ZPBP: variants seen among roughly 807,000 people sequenced by gnomAD.
The protein encoded by ZPBP is zona pellucida-binding protein 1.
ZPBP carries 26 observed loss-of-function variants against 44.8 expected under a neutral mutation model. The observed-to-expected ratio is 0.58, with a 90% CI of 0.43 to 0.81. The LOEUF (loss-of-function observed/expected upper bound fraction) is 0.81. ZPBP is among the 30% of genes least tolerant of loss of function. The pLI is 0.00. For missense variants in ZPBP, 409 were observed against 434.0 expected (o/e 0.94, Z 0.51); for synonymous variants, 174 against 153.2 (o/e 1.14, Z -1.00).
intron 7 of ZPBP, among the ~76,000 whole-genome samples, chr7:49,955,747 TAAAAAC>T (rs986199967): frequency 6.6e-6 from 1 of 151,990 alleles, no homozygotes; most frequent in African/African-American, 2.4e-5. Context: ...TGGTAAAACT[TAAAAAC>T]AAAAAACATA....
At chr7:49,853,654 T>C (rs1790289701) in intron 2 of ZPBP, among the ~76,000 whole-genome samples, 1 of 151,962 alleles carries the variant, frequency 6.6e-6, no homozygotes, top group Admixed American at 6.5e-5. Context: ...TGAACGTTTG[T>C]TTTTCTTCTT....
intron 2 of ZPBP, among the ~76,000 whole-genome samples, chr7:49,859,589 T>C (rs1443419994): frequency 6.6e-6 from 1 of 152,244 alleles, no homozygotes; most frequent in Admixed American, 6.5e-5. Flanking sequence ...TATGTGTGCA[T>C]TGACGTCTGG....
chr7:50,004,198 GAAAGTGGGAT>G, intron 6 of ZPBP, among the ~76,000 whole-genome samples: 1 of 152,258 alleles, frequency 6.6e-6, no homozygotes, highest in East Asian at 1.9e-4. Context: ...GCAGGTGGAA[GAAAGTGGGAT>G]AAGTTTGCTT....
intron 4 of ZPBP, among the ~76,000 whole-genome samples, chr7:50,051,357 T>C (rs187071324): frequency 1.1e-3 from 171 of 152,258 alleles, no homozygotes; most frequent in Middle Eastern, 3.4e-3. Flanking sequence ...AGTTCAACCA[T>C]TGTGGAAGAT....
At chr7:50,007,520 C>T (rs533657771) in intron 6 of ZPBP, among the ~76,000 whole-genome samples, 1 of 152,064 alleles carries the variant, frequency 6.6e-6, no homozygotes, top group African/African-American at 2.4e-5. Context: ...AGACAGAAGC[C>T]TCTAGACTCA....
Position 49,937,520 on chromosome 7 carries a change from A to T in ZPBP, c.*8T>A, listed in dbSNP as rs766544193. ...TTAATAAACCACTGAATAACTGAAG[A>T]TAATGGCTTATAAGCACGTTTTTGC... On this transcript the variant is annotated 3_prime_UTR_variant, in exon 8 of 8. Coordinates refer to ENST00000046087, the MANE Select transcript of ZPBP (RefSeq NM_007009.3). 9 of 1,602,822 alleles carry T rather than the reference A, an allele frequency of 5.6e-6. No homozygotes were observed. In the East Asian group the frequency reaches 1.8e-4, roughly 32 times the overall value.
chr7:49,974,878 G>A (rs1044585034), intron 7 of ZPBP, among the ~76,000 whole-genome samples: 1 of 146 alleles, frequency 6.8e-3, no homozygotes, highest in Non-Finnish European at 0.018. Flanking sequence ...CAGGTCCCTA[G>A]AGAAATGCCC....
In ZPBP at chr7:50,060,176, T is replaced by C. The variant is rs529458185; in HGVS notation, c.335-2035A>G. On this transcript the variant is annotated intron_variant, in intron 3 of 7. Transcript: ENST00000046087. ...TAGCTACAGGAGAACCCATGGACATTTGGGCTGGCAAGGGAGAGATTCTTG... is the reference window on the plus strand; with the variant it reads ...TAGCTACAGGAGAACCCATGGACATCTGGGCTGGCAAGGGAGAGATTCTTG... Among the ~76,000 whole-genome samples, 12 of 151,658 alleles carry C rather than the reference T, an allele frequency of 7.9e-5. No homozygotes were observed. In the South Asian group the frequency reaches 1.2e-3, roughly 16 times the overall value.
chr7:50,007,124 C>T (rs1798347124), intron 6 of ZPBP, among the ~76,000 whole-genome samples: 1 of 151,782 alleles, frequency 6.6e-6, no homozygotes, highest in African/African-American at 2.4e-5. Flanking sequence ...GACAGTGAGC[C>T]CTCACAAGAT....
intron 4 of ZPBP, among the ~76,000 whole-genome samples, chr7:50,051,910 T>C (rs1800718946): frequency 6.6e-6 from 1 of 151,994 alleles, no homozygotes. Flanking sequence ...ATGGCACATG[T>C]TTATGTAACG....
At chr7:49,883,057 C>A (rs1044281656) in intron 2 of ZPBP, among the ~76,000 whole-genome samples, 1 of 152,014 alleles carries the variant, frequency 6.6e-6, no homozygotes, top group African/African-American at 2.4e-5. Flanking sequence ...TTGTCTGGGT[C>A]CTTTGAGACA....
At chr7:49,983,943 AAT>A (rs1491318697) in intron 6 of ZPBP, among the ~76,000 whole-genome samples, 1 of 149,658 alleles carries the variant, frequency 6.7e-6, no homozygotes, top group African/African-American at 2.5e-5. Context: ...AAAACAAAAA[AAT>A]ATATAACTTC....
intron 7 of ZPBP, among the ~76,000 whole-genome samples, chr7:49,976,897 T>C (rs906026753): frequency 6.6e-6 from 1 of 151,950 alleles, no homozygotes; most frequent in African/African-American, 2.4e-5. Context: ...GGTCAGGAGA[T>C]TGAGACCATC....
intron 1 of ZPBP, chr7:49,912,334 T>TA (rs1223499348): frequency 1.4e-6 from 1 of 737,028 alleles, no homozygotes; most frequent in Non-Finnish European, 2.1e-6. Context: ...TGATAACAGT[T>TA]ACTACAACAG....
chr7:49,843,108 A>G, the ZPBP span, among the ~76,000 whole-genome samples: 1 of 152,122 alleles, frequency 6.6e-6, no homozygotes, highest in Non-Finnish European at 1.5e-5. Flanking sequence ...TACTGGTACC[A>G]TCTTTATGTC....
intron 7 of ZPBP, among the ~76,000 whole-genome samples, chr7:49,964,045 A>T (rs1795963222): frequency 6.6e-6 from 1 of 151,910 alleles, no homozygotes; most frequent in Admixed American, 6.6e-5. Flanking sequence ...ATTAAATATA[A>T]CTACTTTATT....
At chr7:50,037,943 C>A (rs1161406371) in intron 4 of ZPBP, among the ~76,000 whole-genome samples, 1 of 152,116 alleles carries the variant, frequency 6.6e-6, no homozygotes, top group Non-Finnish European at 1.5e-5. Context: ...TATTAAGTTG[C>A]AGGTGAATCT....
At chr7:49,940,714 AC>A (rs1794840338) in intron 7 of ZPBP, 1 of 981,652 alleles carries the variant, frequency 1.0e-6, no homozygotes, top group Non-Finnish European at 1.2e-6. Flanking sequence ...ATTTTTACTC[AC>A]CACTGTCCCA....
chr7:49,912,316 C>A, intron 1 of ZPBP: 1 of 950,324 alleles, frequency 1.1e-6, no homozygotes, highest in Non-Finnish European at 1.5e-6. Flanking sequence ...TGGTACTTTT[C>A]CTTTTCTTGA....
Sources: gnomAD v4.1 joint callset for allele counts (sites outside exome capture counted in the v4.1 genomes callset) on GRCh38, gnomAD v4.1.1 for gene constraint, MANE v1.5 for transcripts, NCBI Gene and HGNC (gene_info 2026-07-23, HGNC 2026-07-21) for gene names.